ZPBP: variants seen among roughly 807,000 people sequenced by gnomAD.
ZPBP encodes zona pellucida binding protein.
Under a neutral mutation model 44.8 loss-of-function variants are expected in ZPBP, and 26 were observed. That is an observed-to-expected ratio of 0.58 (90% confidence interval 0.43 to 0.81). The LOEUF is 0.81. ZPBP is among the 30% of genes least tolerant of loss of function. The pLI, the probability that ZPBP is intolerant of heterozygous loss-of-function variation, is 0.00. For missense variants in ZPBP, 409 were observed against 434.0 expected (o/e 0.94, Z 0.51); for synonymous variants, 174 against 153.2 (o/e 1.14, Z -1.00).
rs147753809 is a variant in ZPBP, at chr7:50,063,092, A to G, written c.335-4951T>C. 4.5e-3 allele frequency among the ~76,000 whole-genome samples: 687 copies of G among 152,356 alleles called. 4 individuals are homozygous for G. Among genetic ancestry groups the G allele is most frequent in the African/African-American group, 0.016 (651 of 41,570 alleles). On this transcript the variant is annotated intron_variant, in intron 3 of 7. Coordinates refer to ENST00000046087, the MANE Select transcript of ZPBP (RefSeq NM_007009.3). ...CATCATTTTTTACTTTTCAAGAAATAACATGTTTTACGACTGAGTTTATCT... is the reference window on the plus strand; with the variant it reads ...CATCATTTTTTACTTTTCAAGAAATGACATGTTTTACGACTGAGTTTATCT...
At chr7:49,937,047 A>C (rs1243825269), downstream of ZPBP, among the ~76,000 whole-genome samples, 1 of 152,222 alleles carries the variant, frequency 6.6e-6, no homozygotes, top group Non-Finnish European at 1.5e-5. Flanking sequence ...CTTATATTAA[A>C]GAGGCTAAAA....
intron 7 of ZPBP, among the ~76,000 whole-genome samples, chr7:49,965,025 A>G (rs1318303630): frequency 6.6e-6 from 1 of 152,162 alleles, no homozygotes. Flanking sequence ...ACCAAGAATG[A>G]CAGGCTGACA....
chr7:50,062,407 C>T (rs1257518372), intron 3 of ZPBP, among the ~76,000 whole-genome samples: 2 of 152,138 alleles, frequency 1.3e-5, no homozygotes, highest in Non-Finnish European at 2.9e-5. Context: ...AGGTAACACA[C>T]TACCTGACTT....
intron 1 of ZPBP, among the ~76,000 whole-genome samples, chr7:49,925,592 T>C (rs1438691700): frequency 6.6e-6 from 1 of 152,250 alleles, no homozygotes; most frequent in Non-Finnish European, 1.5e-5. Flanking sequence ...ACTTGGTTGT[T>C]CAGAGCCTCT....
At chr7:49,946,405 T>A (rs762288232) in intron 7 of ZPBP, among the ~76,000 whole-genome samples, 8 of 152,176 alleles carry the variant, frequency 5.3e-5, no homozygotes, top group African/African-American at 1.2e-4. Context: ...TCAGCTTTTG[T>A]TTTTCTGGGG....
intron 6 of ZPBP, among the ~76,000 whole-genome samples, chr7:49,987,937 T>G (rs150003106): frequency 6.6e-6 from 1 of 152,302 alleles, no homozygotes; most frequent in East Asian, 1.9e-4. Flanking sequence ...ATGCAGATGT[T>G]GTCAAAATGT....
chr7:49,910,286 G>T (rs917998642), intron 1 of ZPBP, among the ~76,000 whole-genome samples: 2 of 152,118 alleles, frequency 1.3e-5, no homozygotes, highest in East Asian at 1.9e-4. Context: ...TTATTCAAAG[G>T]CCAGTTGTTA....
chr7:49,990,188 C>T (rs888634998), intron 6 of ZPBP, among the ~76,000 whole-genome samples: 2 of 152,142 alleles, frequency 1.3e-5, no homozygotes, highest in African/African-American at 4.8e-5. Context: ...TAAGCCAAAC[C>T]TCCTGTTTCA....
At chr7:49,931,566 T>A (rs760439292) in intron 1 of ZPBP, among the ~76,000 whole-genome samples, 2 of 152,182 alleles carry the variant, frequency 1.3e-5, no homozygotes, top group Non-Finnish European at 2.9e-5. Context: ...CGGTACCCAG[T>A]GGAAGAACCT....
downstream of ZPBP, among the ~76,000 whole-genome samples, chr7:49,936,419 G>C (rs1000278742): frequency 2.6e-5 from 4 of 152,184 alleles, no homozygotes; most frequent in Non-Finnish European, 4.4e-5. Context: ...GGAAAAATGA[G>C]AGGCTAGTTT....
intron 4 of ZPBP, among the ~76,000 whole-genome samples, chr7:50,045,589 G>A (rs1019180325): frequency 4.6e-5 from 7 of 152,102 alleles, no homozygotes; most frequent in Non-Finnish European, 7.4e-5. Flanking sequence ...CAACTTACAC[G>A]GGATGTGAAG....
At chr7:50,011,724 T>C (rs1449435155) in intron 6 of ZPBP, among the ~76,000 whole-genome samples, 1 of 151,776 alleles carries the variant, frequency 6.6e-6, no homozygotes, top group Non-Finnish European at 1.5e-5. Flanking sequence ...ATCTGGAAAT[T>C]AAGCAACCCA....
At chr7:49,897,292 A>G (rs1237729011) in intron 2 of ZPBP, among the ~76,000 whole-genome samples, 1 of 152,122 alleles carries the variant, frequency 6.6e-6, no homozygotes, top group African/African-American at 2.4e-5. Context: ...TAATTTCCCA[A>G]CTCATTCCAT....
downstream of ZPBP, among the ~76,000 whole-genome samples, chr7:49,934,467 A>G (rs1794559681): frequency 6.6e-6 from 1 of 151,732 alleles, no homozygotes; most frequent in African/African-American, 2.4e-5. Context: ...AAACTCACAC[A>G]TGATCCCATT....
intron 2 of ZPBP, among the ~76,000 whole-genome samples, chr7:49,853,348 A>G (rs1458048412): frequency 6.6e-6 from 1 of 152,216 alleles, no homozygotes; most frequent in Non-Finnish European, 1.5e-5. Context: ...CCCCAGGCCC[A>G]GGAAGTCATG....
At chr7:50,012,073 G>A (rs1798612251) in intron 6 of ZPBP, among the ~76,000 whole-genome samples, 1 of 149,768 alleles carries the variant, frequency 6.7e-6, no homozygotes, top group Non-Finnish European at 1.5e-5. Flanking sequence ...AAAAAAAACT[G>A]AAAATGAGAG....
intron 6 of ZPBP, among the ~76,000 whole-genome samples, chr7:50,001,791 T>A (rs1798108115): frequency 6.6e-6 from 1 of 152,166 alleles, no homozygotes; most frequent in Non-Finnish European, 1.5e-5. Context: ...GAAATTAGAA[T>A]CTGGGAATGC....
intron 7 of ZPBP, among the ~76,000 whole-genome samples, chr7:49,978,089 T>G (rs912698604): frequency 2.9e-4 from 44 of 151,246 alleles, no homozygotes; most frequent in Middle Eastern, 3.4e-3. Context: ...TTGTTTTTTT[T>G]TTTTTGAAAA....
At chr7:49,925,210 C>G (rs1031338849) in intron 1 of ZPBP, among the ~76,000 whole-genome samples, 4 of 152,126 alleles carry the variant, frequency 2.6e-5, no homozygotes, top group Non-Finnish European at 4.4e-5. Context: ...TTCCTATTAG[C>G]CTCTGGGTGG....
Sources: gnomAD v4.1 joint callset for allele counts (sites outside exome capture counted in the v4.1 genomes callset) on GRCh38, gnomAD v4.1.1 for gene constraint, MANE v1.5 for transcripts, NCBI Gene and HGNC (gene_info 2026-07-23, HGNC 2026-07-21) for gene names.